UVRAG: variants seen among roughly 807,000 people sequenced by gnomAD.
UVRAG encodes UV radiation resistance-associated gene protein.
Under a neutral mutation model 78.0 loss-of-function variants are expected in UVRAG, and 19 were observed. The observed-to-expected ratio is 0.24, with a 90% confidence interval of 0.17 to 0.36. The LOEUF (loss-of-function observed/expected upper bound fraction) is 0.36. Ranked by LOEUF, UVRAG falls within the 10% of genes least tolerant of loss-of-function variation. UVRAG has a pLI of 1.00. For synonymous variants in UVRAG, 323 were observed against 324.6 expected (o/e 1.00, Z 0.05); for missense variants, 740 against 853.8 (o/e 0.87, Z 1.66).
intron 6 of UVRAG, among the ~76,000 whole-genome samples, chr11:75,913,687 G>C (rs763181375): frequency 7.2e-5 from 11 of 152,190 alleles, no homozygotes; most frequent in Non-Finnish European, 1.6e-4. Context: ...GCAAGTAAGA[G>C]CCAGACTGGA....
At chr11:75,820,493 TACAGGCATGCACC>T (rs1224948993) in intron 1 of UVRAG, among the ~76,000 whole-genome samples, 1 of 152,124 alleles carries the variant, frequency 6.6e-6, no homozygotes, top group East Asian at 1.9e-4. Context: ...TAGCTGGGAT[TACAGGCATGCACC>T]ACTGTTCCTG....
Position 76,141,210 on chromosome 11 carries a change from G to C in UVRAG, c.1897G>C (p.Glu633Gln). 6.2e-7 allele frequency: 1 copy of C among 1,614,158 alleles called. No homozygotes were observed. The highest frequency in any genetic ancestry group is 8.5e-7 in the Non-Finnish European group (1 of 1,180,034). Residue 633 changes from glutamate (E) to glutamine (Q), a missense_variant, in exon 15 of 15, where the codon GAA becomes CAA. Glu to Gln is a conservative substitution (Grantham distance 29). Coordinates refer to ENST00000356136, the MANE Select transcript of UVRAG (RefSeq NM_003369.4). ...GCTCTGCTGTACTGTGGAGCAAGCA[G>C]AAGAAATCATCGGGCTGGAAGCCAC... ...AELCCTVEQA[E>Q]EIIGLEATGF...
At chr11:75,852,140 C>A (rs964093803) in intron 2 of UVRAG, 140 bp downstream of exon 2, 18 of 584,680 alleles carry the variant, frequency 3.1e-5, no homozygotes, top group Non-Finnish European at 4.4e-5. Flanking sequence ...ATCTCATGAG[C>A]AGTTGGGATG....
chr11:75,888,460 A>G (rs11823080), intron 4 of UVRAG, among the ~76,000 whole-genome samples: 10,317 of 152,232 alleles, frequency 0.068, 505 homozygotes, highest in African/African-American at 0.14. Flanking sequence ...TCATGTTAAA[A>G]AAAAATACTT....
At chr11:76,067,758 CA>C (rs796481929) in intron 13 of UVRAG, among the ~76,000 whole-genome samples, 76 of 139,452 alleles carry the variant, frequency 5.4e-4, no homozygotes, top group Admixed American at 7.1e-4. Context: ...GATTCTGTCT[CA>C]AAAAAAAAAA....
chr11:76,126,724 C>T (rs1952403439), intron 14 of UVRAG, among the ~76,000 whole-genome samples: 1 of 151,914 alleles, frequency 6.6e-6, no homozygotes, highest in South Asian at 2.1e-4. Context: ...TTCATTTATA[C>T]ATAAAACAAG....
chr11:76,005,423 A>G (rs953311371), intron 9 of UVRAG, among the ~76,000 whole-genome samples: 3 of 152,180 alleles, frequency 2.0e-5, no homozygotes, highest in Non-Finnish European at 4.4e-5. Context: ...TAGGAAGTCA[A>G]TGCTCTGGTA....
intron 13 of UVRAG, among the ~76,000 whole-genome samples, chr11:76,093,671 G>T (rs1339965744): frequency 6.6e-6 from 1 of 152,204 alleles, no homozygotes; most frequent in Non-Finnish European, 1.5e-5. Context: ...TCTGTTATTG[G>T]TGTATAAGAA....
chr11:76,072,882 G>C (rs1764493790), intron 13 of UVRAG, among the ~76,000 whole-genome samples: 1 of 152,032 alleles, frequency 6.6e-6, no homozygotes, highest in Non-Finnish European at 1.5e-5. Context: ...CTGGTTCCTT[G>C]GGGATCCCCA....
chr11:75,867,172 T>A (rs186039262), intron 3 of UVRAG, among the ~76,000 whole-genome samples: 1 of 152,234 alleles, frequency 6.6e-6, no homozygotes, highest in Non-Finnish European at 1.5e-5. Flanking sequence ...ATACTTTTTA[T>A]TGAAGTTTGG....
chr11:75,897,933 G>T (rs565862626), intron 5 of UVRAG, among the ~76,000 whole-genome samples: 1 of 141,936 alleles, frequency 7.0e-6, no homozygotes, highest in East Asian at 2.1e-4. Flanking sequence ...GCAGTGGCGC[G>T]ATCTCGGCTC....
chr11:76,041,058 C>CA (rs1565132827), intron 12 of UVRAG, among the ~76,000 whole-genome samples: 1 of 150,336 alleles, frequency 6.7e-6, no homozygotes, highest in South Asian at 2.1e-4. Flanking sequence ...ACATAAATAG[C>CA]AAAAAAAGAA....
At chr11:76,102,993 G>A (rs1160800641) in intron 13 of UVRAG, among the ~76,000 whole-genome samples, 4 of 152,136 alleles carry the variant, frequency 2.6e-5, no homozygotes, top group Admixed American at 6.5e-5. Context: ...TCAGTTCCTT[G>A]CAGCTGTAGG....
intron 8 of UVRAG, among the ~76,000 whole-genome samples, chr11:75,999,934 A>T (rs753730890): frequency 3.9e-5 from 6 of 152,160 alleles, no homozygotes; most frequent in Non-Finnish European, 8.8e-5. Flanking sequence ...CATCCCAAGC[A>T]TTTCGGATAA....
rs555727729 is a variant in UVRAG, at chr11:75,859,490, G to A, written c.236-2256G>A. ...TTTGTTTTAAATAATTTTAGGTTTT[G>A]TTTTAAGCAATAAAACTTAAACAAT... On this transcript the variant is annotated intron_variant, in intron 2 of 14. Coordinates refer to ENST00000356136, the MANE Select transcript of UVRAG (RefSeq NM_003369.4). 5.0e-3 allele frequency among the ~76,000 whole-genome samples: 760 copies of A among 151,474 alleles called. 7 individuals carry two copies. Among genetic ancestry groups the A allele is most frequent in the African/African-American group, 0.017 (716 of 41,264 alleles).
intron 12 of UVRAG, among the ~76,000 whole-genome samples, chr11:76,056,790 G>A (rs781173612): frequency 4.6e-5 from 7 of 152,092 alleles, no homozygotes; most frequent in Non-Finnish European, 1.0e-4. Flanking sequence ...TTTTTTGTGT[G>A]TGTAATGTTA....
intron 11 of UVRAG, among the ~76,000 whole-genome samples, chr11:76,016,350 A>T (rs1950144782): frequency 6.6e-6 from 1 of 152,168 alleles, no homozygotes; most frequent in Non-Finnish European, 1.5e-5. Context: ...ATACTATTTC[A>T]TTTCCCTTTA....
At chr11:76,108,998 CA>C (rs1274491123) in intron 13 of UVRAG, among the ~76,000 whole-genome samples, 1 of 152,046 alleles carries the variant, frequency 6.6e-6, no homozygotes, top group East Asian at 1.9e-4. Context: ...TAATTGAAAC[CA>C]AAATTCCACT....
At chr11:75,861,873 G>A (rs1946428202) in intron 3 of UVRAG, 93 bp downstream of exon 3, 1 of 1,069,362 alleles carries the variant, frequency 9.4e-7, no homozygotes, top group African/African-American at 1.6e-5. Flanking sequence ...GTTCAGCTCT[G>A]GTTTTATGAT....
Sources: allele counts gnomAD v4.1 joint callset (sites outside exome capture counted in the v4.1 genomes callset), GRCh38; gene constraint gnomAD v4.1.1; transcripts MANE v1.5; gene names NCBI Gene and HGNC (gene_info 2026-07-23, HGNC 2026-07-21).